Variants in RRM1 observed in about 807,000 individuals in gnomAD.
RRM1 encodes the protein ribonucleotide reductase catalytic subunit M1.
RRM1 carries 19 observed loss-of-function variants against 101.5 expected under a neutral mutation model. That is an observed-to-expected ratio of 0.19 (90% CI 0.13 to 0.27). The LOEUF (loss-of-function observed/expected upper bound fraction) is 0.27. RRM1 is among the 10% of genes least tolerant of loss of function. The pLI is 1.00. For synonymous variants in RRM1, 298 were observed against 323.4 expected (o/e 0.92, Z 0.84); for missense variants, 500 against 962.9 (o/e 0.52, Z 6.36).
chr11:4,119,956 A>T (rs1422735998), intron 9 of RRM1, 28 bp downstream of exon 9: 2 of 1,316,636 alleles, frequency 1.5e-6, no homozygotes, highest in East Asian at 4.6e-5. Context: ...AAAGTACTGG[A>T]AATCAGAACT....
intron 8 of RRM1, 169 bp from the exon 9 acceptor site, chr11:4,119,676 T>C: frequency 1.7e-6 from 1 of 592,672 alleles, no homozygotes; most frequent in South Asian, 1.9e-5. Flanking sequence ...AACATTTTGT[T>C]GATTTTATTT....
At chr11:4,122,943 TA>T (rs1262761815) in intron 11 of RRM1, among the ~76,000 whole-genome samples, 10 of 152,264 alleles carry the variant, frequency 6.6e-5, no homozygotes, top group African/African-American at 2.2e-4. Context: ...TACTCCTTTT[TA>T]TTATGAAAGA....
At chr11:4,097,397 A>C (rs1225852976) in intron 1 of RRM1, among the ~76,000 whole-genome samples, 1 of 151,540 alleles carries the variant, frequency 6.6e-6, no homozygotes, top group Non-Finnish European at 1.5e-5. Context: ...CATGCTGTAG[A>C]TTCTGCCATT....
intron 1 of RRM1, among the ~76,000 whole-genome samples, chr11:4,097,932 G>T (rs1243035394): frequency 6.6e-6 from 1 of 152,156 alleles, no homozygotes; most frequent in Non-Finnish European, 1.5e-5. Context: ...TTATTAGATA[G>T]AAGAGAATAG....
At chr11:4,109,351 T>C (rs2094562397) in intron 4 of RRM1, among the ~76,000 whole-genome samples, 1 of 152,020 alleles carries the variant, frequency 6.6e-6, no homozygotes. Context: ...ACTATAAACA[T>C]AATAGTAAAA....
At chr11:4,114,812 A>G (rs1008587185) in intron 7 of RRM1, among the ~76,000 whole-genome samples, 2 of 152,058 alleles carry the variant, frequency 1.3e-5, no homozygotes, top group African/African-American at 4.8e-5. Flanking sequence ...TCCCAGGTCC[A>G]AGTGATTCTC....
intron 2 of RRM1, among the ~76,000 whole-genome samples, chr11:4,105,411 A>G (rs994502981): frequency 2.0e-5 from 3 of 151,878 alleles, no homozygotes; most frequent in African/African-American, 7.3e-5. Flanking sequence ...TTTTATTTTT[A>G]GTAGGGATGG....
chr11:4,111,237 C>G lies in RRM1; in HGVS notation c.448-364C>G, dbSNP rs1338686384. ...TCTGGCTAACATGACGAAACCCTGT[C>G]TCTACTAAAAATAGAAAAAAAAAAT... is the stretch of plus-strand genomic sequence containing the variant. On this transcript the variant is annotated intron_variant, in intron 5 of 18. Coordinates refer to ENST00000300738, the MANE Select transcript of RRM1 (RefSeq NM_001033.5). Among the ~76,000 whole-genome samples the G allele has an allele frequency of 3.3e-5, 5 of 151,728 alleles. No homozygotes were observed. The East Asian group carries it at 9.7e-4, about 29-fold the overall frequency.
rs1213404160 is a variant in RRM1, at chr11:4,126,849, TCTG to T, written c.1470+19_1470+21del. ...TGTACCAGAGGTATGAATAGATTTCTCTGCTTATTGGTAATTATTGAAATCCAA... is the reference window on the plus strand; with the variant it reads ...TGTACCAGAGGTATGAATAGATTTCTCTTATTGGTAATTATTGAAATCCAA... On this transcript the variant is annotated intron_variant, in intron 13 of 18. Coordinates refer to ENST00000300738, the MANE Select transcript of RRM1 (RefSeq NM_001033.5). 6.3e-7 allele frequency: 1 copy of T among 1,585,644 alleles called. No homozygotes were observed. Among genetic ancestry groups the T allele is most frequent in the Non-Finnish European group, 8.6e-7 (1 of 1,161,152 alleles).
rs775026503 is a variant in RRM1, at chr11:4,118,502, C to A, written c.792+41C>A. On this transcript the variant is annotated intron_variant, in intron 8 of 18. Transcript: ENST00000300738. ...TTGACTTTTAAAGGGGGATTCAAGT[C>A]TAAAAGCAAACAGATTCATGGTTGA... is the stretch of plus-strand genomic sequence containing the variant. The A allele has an allele frequency of 3.1e-6, 5 of 1,610,538 alleles. No individual in the cohort carries two copies. The South Asian group carries it at 5.5e-5, about 18-fold the overall frequency.
chr11:4,102,177 G>C (rs967575715), intron 2 of RRM1, 96 bp downstream of exon 2: 2 of 704,970 alleles, frequency 2.8e-6, no homozygotes, highest in Non-Finnish European at 5.0e-6. Context: ...GATATACTTT[G>C]GTATTCTGGC....
intron 12 of RRM1, among the ~76,000 whole-genome samples, chr11:4,125,767 C>T (rs1192089966): frequency 6.6e-6 from 1 of 152,154 alleles, no homozygotes; most frequent in Non-Finnish European, 1.5e-5. Flanking sequence ...ATCTTTATCC[C>T]CAGTACTCTC....
chr11:4,106,579 T>C, intron 3 of RRM1, among the ~76,000 whole-genome samples: 1 of 152,106 alleles, frequency 6.6e-6, no homozygotes, highest in East Asian at 1.9e-4. Context: ...AAACCCTTTC[T>C]CTACTAAAAA....
At chr11:4,121,094 G>T (rs1007362064) in intron 9 of RRM1, among the ~76,000 whole-genome samples, 1 of 152,158 alleles carries the variant, frequency 6.6e-6, no homozygotes. Context: ...GAATTGGGTT[G>T]TTTACCTTAT....
At chr11:4,113,571 C>T (rs1452731674) in intron 7 of RRM1, among the ~76,000 whole-genome samples, 1 of 152,222 alleles carries the variant, frequency 6.6e-6, no homozygotes, top group African/African-American at 2.4e-5. Flanking sequence ...TCTTAACCTA[C>T]AGCCATGCAT....
At position 4,123,175 on chromosome 11, in the gene RRM1, C is replaced by T; in HGVS notation, c.1119-8C>T. 6.2e-7 allele frequency: 1 copy of T among 1,608,936 alleles called. No homozygotes were observed. Among genetic ancestry groups the T allele is most frequent in the Non-Finnish European group, 8.5e-7 (1 of 1,175,648 alleles). On this transcript the variant is annotated splice_region_variant and splice_polypyrimidine_tract_variant and intron_variant, in intron 11 of 18. Coordinates refer to ENST00000300738, the MANE Select transcript of RRM1 (RefSeq NM_001033.5). ...TATATATTAAATAATATTATCTGTG[C>T]CTTTCAGTTATGAGAAACAAGGTCG...
chr11:4,122,810 T>G (rs1268610395), intron 11 of RRM1, among the ~76,000 whole-genome samples: 1 of 151,644 alleles, frequency 6.6e-6, no homozygotes, highest in Non-Finnish European at 1.5e-5. Flanking sequence ...GAGGTGGAGG[T>G]TGCAGTGAGC....
intron 5 of RRM1, among the ~76,000 whole-genome samples, chr11:4,110,509 T>C (rs1290853222): frequency 1.3e-5 from 2 of 152,118 alleles, no homozygotes; most frequent in Non-Finnish European, 2.9e-5. Context: ...GGCTTACGCC[T>C]GTAATCCCAG....
chr11:4,121,524 C>A, intron 9 of RRM1, 80 bp from the exon 10 acceptor site: 1 of 1,032,846 alleles, frequency 9.7e-7, no homozygotes, highest in Non-Finnish European at 1.4e-6. Context: ...AAAGGAGATA[C>A]TATAAAAGTG....
Sources: gnomAD v4.1 joint callset for allele counts (sites outside exome capture counted in the v4.1 genomes callset) on GRCh38, gnomAD v4.1.1 for gene constraint, MANE v1.5 for transcripts, NCBI Gene and HGNC (gene_info 2026-07-23, HGNC 2026-07-21) for gene names.